The following TCF4 variants were observed in gnomAD, a reference collection of about 807,000 sequenced individuals.
TCF4 encodes transcription factor 4, also known as SL3-3 enhancer factor 2.
TCF4 carries 3 observed loss-of-function variants against 82.1 expected under a neutral mutation model. The ratio of observed to expected loss-of-function variants is 0.04; its 90% CI spans 0.02 to 0.09. The LOEUF is 0.09. TCF4 is among the 10% of genes least tolerant of loss of function. The probability of loss-of-function intolerance (pLI) is 1.00; values close to 1 mark genes in which losing one functional copy is unlikely to be tolerated. For synonymous variants in TCF4, 276 were observed against 309.6 expected, an observed-to-expected ratio of 0.89 and a Z score of 1.14; for missense variants, 518 against 852.7, an observed-to-expected ratio of 0.61 and a Z score of 4.89.
rs2046007931 is a variant in TCF4, at chr18:55,222,556, C to T, written c.*5479G>A. ...AACCAAATGGCGTTATAACATTTTC[C>T]TTCAACTAGTCACTAAACCCAATTA... On this transcript the variant is annotated 3_prime_UTR_variant, in exon 20 of 20. Coordinates refer to ENST00000354452, the MANE Select transcript of TCF4 (RefSeq NM_001083962.2). 6.6e-6 allele frequency: 1 copy of T among 152,270 alleles called. No homozygotes were observed. The highest frequency in any genetic ancestry group is 1.5e-5 in the Non-Finnish European group (1 of 67,986). 9.4% of individuals were successfully genotyped at this position (152,270 alleles called of 1,614,324 possible).
At chr18:55,505,230 G>A (rs930802357) in intron 3 of TCF4, among the ~76,000 whole-genome samples, 2 of 152,204 alleles carry the variant, frequency 1.3e-5, no homozygotes, top group Admixed American at 6.5e-5. Context: ...GATTTATGGC[G>A]CTAATTTCAC....
At chr18:55,498,983 T>C (rs1479003136) in intron 3 of TCF4, among the ~76,000 whole-genome samples, 1 of 152,190 alleles carries the variant, frequency 6.6e-6, no homozygotes, top group Non-Finnish European at 1.5e-5. Context: ...ATGGAAATCT[T>C]TCCTCTTTCC....
upstream of TCF4, among the ~76,000 whole-genome samples, chr18:55,592,606 A>C (rs1446171467): frequency 1.3e-5 from 2 of 152,186 alleles, no homozygotes; most frequent in African/African-American, 2.4e-5. Flanking sequence ...AGTTCATAGC[A>C]AGGTAGAACT....
At chr18:55,279,477 C>A in intron 9 of TCF4, 74 bp downstream of exon 9, 2 of 1,605,158 alleles carry the variant, frequency 1.2e-6, no homozygotes, top group Non-Finnish European at 1.7e-6. Context: ...ATTTCTTCTG[C>A]CCCATCTGTG....
intron 8 of TCF4, among the ~76,000 whole-genome samples, chr18:55,313,051 T>C (rs1318034339): frequency 6.6e-6 from 1 of 152,174 alleles, no homozygotes; most frequent in East Asian, 1.9e-4. Context: ...GAATGTCTAA[T>C]ACAATAGTAG....
At chr18:55,300,507 T>C (rs1273210878) in intron 8 of TCF4, among the ~76,000 whole-genome samples, 1 of 151,498 alleles carries the variant, frequency 6.6e-6, no homozygotes, top group African/African-American at 2.4e-5. Flanking sequence ...CAACCCAGAG[T>C]GGAAAGGGCC....
At chr18:55,334,830 C>G (rs1042811207) in intron 8 of TCF4, among the ~76,000 whole-genome samples, 2 of 152,154 alleles carry the variant, frequency 1.3e-5, no homozygotes, top group Non-Finnish European at 2.9e-5. Flanking sequence ...CAGAGGCACT[C>G]AATTTCTAAT....
rs1193080488 is a variant in TCF4 at position 55,269,900 on chromosome 18, G to A, written c.853C>T (p.Arg285Cys). Residue 285 changes from arginine (R) to cysteine (C), a missense_variant, in exon 11 of 20, where the codon CGT becomes TGT. By Grantham distance (180) the Arg-to-Cys change is radical. Around this residue, in one of 7 missense-constraint regions of TCF4, gnomAD observed 211 missense variants for 327.4 expected, o/e 0.64. Transcript: ENST00000354452. ...SSLPPMSTFH[R>C]SGTNHYSTSS... ...GTGCTGTAATGGTTTGTACCACTAC[G>A]ATGGAAAGTGGACATCGGAGGAAGA... 6 of 1,613,338 alleles carry A rather than the reference G, an allele frequency of 3.7e-6. No homozygotes were observed. The highest frequency in any genetic ancestry group is 2.2e-5 in the East Asian group (1 of 44,838).
At chr18:55,550,651 A>G (rs1416042052) in intron 3 of TCF4, 3 of 152,218 alleles carry the variant, frequency 2.0e-5, no homozygotes, top group Non-Finnish European at 4.4e-5. Context: ...TTAGGGACAC[A>G]TTCCAAACAA....
intron 15 of TCF4, among the ~76,000 whole-genome samples, chr18:55,245,468 A>T (rs2052759089): frequency 6.6e-6 from 1 of 152,172 alleles, no homozygotes; most frequent in Admixed American, 6.5e-5. Context: ...GGATGTAAAA[A>T]ATATACATGA....
chr18:55,495,390 T>G (rs201204497), intron 3 of TCF4, among the ~76,000 whole-genome samples: 1 of 151,932 alleles, frequency 6.6e-6, no homozygotes, highest in African/African-American at 2.4e-5. Flanking sequence ...TGTAGAATAA[T>G]TTAACTTTTA....
At chr18:55,428,920 G>A (rs542359246) in intron 5 of TCF4, among the ~76,000 whole-genome samples, 146 of 152,084 alleles carry the variant, frequency 9.6e-4, no homozygotes, top group African/African-American at 3.4e-3. Context: ...TGGAGAAGGA[G>A]GAGAAGATAT....
intron 6 of TCF4, among the ~76,000 whole-genome samples, chr18:55,391,953 A>ACT (rs2093143591): frequency 9.3e-6 from 1 of 107,006 alleles, no homozygotes; most frequent in African/African-American, 4.1e-5. Context: ...AAAAAAAAAA[A>ACT]TCTTTTTTTT....
chr18:55,629,919 A>AT (rs1173151231), intron 2 of TCF4, among the ~76,000 whole-genome samples: 1 of 152,170 alleles, frequency 6.6e-6, no homozygotes, highest in East Asian at 1.9e-4. Flanking sequence ...AAAAAAAGGC[A>AT]TTTTATCAAA....
rs901208363 is a variant in TCF4 at position 55,407,469 on chromosome 18, G to C, written c.305-3951C>G. Reference sequence around the variant, plus strand: ...TCTACAGAACAAGTCGGCATCTCCAGTGAGCAAACAGTCCAGGAAGTCAAC... The same window carrying C: ...TCTACAGAACAAGTCGGCATCTCCACTGAGCAAACAGTCCAGGAAGTCAAC... On this transcript the variant is annotated intron_variant, in intron 5 of 19. Transcript: ENST00000354452. 1.3e-5 allele frequency among the ~76,000 whole-genome samples: 2 copies of C among 152,128 alleles called. 1 individual carries two copies. Among genetic ancestry groups the C allele is most frequent in the Admixed American group, 1.3e-4 (2 of 15,274 alleles).
intron 15 of TCF4, among the ~76,000 whole-genome samples, chr18:55,246,702 C>A (rs376041141): frequency 6.7e-6 from 1 of 150,010 alleles, no homozygotes; most frequent in Admixed American, 6.6e-5. Flanking sequence ...GTTCTTTTAC[C>A]TTTCTGTCCT....
chr18:55,483,148 G>C (rs1242356294), intron 3 of TCF4, among the ~76,000 whole-genome samples: 1 of 152,178 alleles, frequency 6.6e-6, no homozygotes, highest in Non-Finnish European at 1.5e-5. Context: ...ATGGATGGCT[G>C]TGTCTTTAGC....
intron 8 of TCF4, among the ~76,000 whole-genome samples, chr18:55,310,710 A>G (rs986857732): frequency 5.3e-5 from 8 of 152,222 alleles, no homozygotes; most frequent in Admixed American, 2.6e-4. Flanking sequence ...TCTTTTCTTG[A>G]TAACAGACGA....
chr18:55,522,753 G>A (rs1197987489), intron 3 of TCF4, among the ~76,000 whole-genome samples: 6 of 151,998 alleles, frequency 3.9e-5, no homozygotes, highest in Non-Finnish European at 5.9e-5. Context: ...ATCATGAATC[G>A]CTTATGCATG....
Sources: allele counts gnomAD v4.1 joint callset (sites outside exome capture counted in the v4.1 genomes callset), GRCh38; gene constraint gnomAD v4.1.1; regional missense constraint gnomAD v4.1.1; transcripts MANE v1.5; gene names NCBI Gene and HGNC (gene_info 2026-07-23, HGNC 2026-07-21).